Variants in CASZ1 observed in about 807,000 individuals in gnomAD.
CASZ1 encodes the protein zinc finger protein castor homolog 1.
In CASZ1, 28 loss-of-function variants were observed where a neutral mutation model predicts 135.2. The observed-to-expected ratio is 0.21, with a 90% CI of 0.15 to 0.28. CASZ1 has a LOEUF of 0.28. Ranked by LOEUF, CASZ1 falls within the 10% of genes least tolerant of loss-of-function variation. CASZ1 has a pLI of 1.00. For missense variants in CASZ1, 2,161 were observed against 2,453.3 expected, an observed-to-expected ratio of 0.88 and a Z score of 2.52; for synonymous variants, 1,068 against 1,073.4, an observed-to-expected ratio of 0.99 and a Z score of 0.10.
chr1:10,659,325 G>A (rs1483018328), intron 6 of CASZ1, among the ~76,000 whole-genome samples: 1 of 140,538 alleles, frequency 7.1e-6, no homozygotes, highest in Non-Finnish European at 1.5e-5. Context: ...GATGGGGTGT[G>A]CTGTCATGGG....
In CASZ1 at chr1:10,695,528, C is replaced by G. The variant is rs557418126; in HGVS notation, c.-23-1616G>C. On this transcript the variant is annotated intron_variant, in intron 3 of 20. Transcript: ENST00000377022. ...AAGGGCGCTCAGTAGAGCACAGGCA[C>G]CCTCAACCAGGGAGTCTGAGGCCCA... 8.2e-4 allele frequency among the ~76,000 whole-genome samples: 123 copies of G among 149,344 alleles called. 4 individuals are homozygous for G. The East Asian group carries it at 0.024, about 29-fold the overall frequency.
chr1:10,728,042 T>C (rs889328361), intron 2 of CASZ1, among the ~76,000 whole-genome samples: 2 of 152,234 alleles, frequency 1.3e-5, no homozygotes, highest in African/African-American at 4.8e-5. Context: ...GGGCTCCCCG[T>C]CAACACATCG....
At chr1:10,659,390 GGGCGTGTGTGGGT>G (rs1339093854) in intron 6 of CASZ1, among the ~76,000 whole-genome samples, 43 of 152,358 alleles carry the variant, frequency 2.8e-4, no homozygotes, top group African/African-American at 9.6e-4. Flanking sequence ...CTGGGAGTGT[GGGCGTGTGTGGGT>G]GGCGTGTGTG....
Position 10,657,325 on chromosome 1 carries a change from G to T in CASZ1, c.1410-589C>A, listed in dbSNP as rs573859424. 6.6e-6 allele frequency among the ~76,000 whole-genome samples: 1 copy of T among 152,338 alleles called. No homozygotes were observed. Among genetic ancestry groups the T allele is most frequent in the African/African-American group, 2.4e-5 (1 of 41,586 alleles). On this transcript the variant is annotated intron_variant, in intron 7 of 20. Transcript: ENST00000377022. This position sits in a 1 kb window ranked among gnomAD's most constrained non-coding sequence, Gnocchi z 5.7. ...CCGTCCTCCTCCAGGCCCCAGGGCCGCTGGGACGTGGCTCCCACAGCCTCG... is the reference window on the plus strand; with the variant it reads ...CCGTCCTCCTCCAGGCCCCAGGGCCTCTGGGACGTGGCTCCCACAGCCTCG...
rs1274016232 is a variant in CASZ1 at position 10,657,736 on chromosome 1, G to A, written c.1409+772C>T. ...CAGAGCGGGCGGGAGGAACCTGGAA[G>A]ATCTGCGGACAGACAGGCGCCAGCC... On this transcript the variant is annotated intron_variant, in intron 7 of 20. Transcript: ENST00000377022. The surrounding 1 kb of genome is among the most constrained non-coding windows in gnomAD (Gnocchi z 5.7). 2.8e-5 allele frequency among the ~76,000 whole-genome samples: 4 copies of A among 143,416 alleles called. No homozygotes were observed. The highest frequency in any genetic ancestry group is 5.1e-5 in the African/African-American group (2 of 39,158). 94.1% of individuals were successfully genotyped at this position (143,416 alleles called of 152,430 possible).
intron 4 of CASZ1, among the ~76,000 whole-genome samples, chr1:10,686,859 C>A (rs1638609347): frequency 1.3e-5 from 2 of 152,244 alleles, no homozygotes; most frequent in African/African-American, 4.8e-5. Context: ...GACCACATTG[C>A]CCCACACCTA....
intron 2 of CASZ1, among the ~76,000 whole-genome samples, chr1:10,718,483 C>T (rs1639435527): frequency 6.6e-6 from 1 of 152,280 alleles, no homozygotes; most frequent in Non-Finnish European, 1.5e-5. Context: ...AACATCCAGT[C>T]TGTCCACCTG....
At chr1:10,722,490 A>C (rs1219502708) in intron 2 of CASZ1, among the ~76,000 whole-genome samples, 1 of 152,208 alleles carries the variant, frequency 6.6e-6, no homozygotes, top group Non-Finnish European at 1.5e-5. Context: ...ATCTCTTTCC[A>C]TTCAAGCTCG....
rs1054626507 is a variant in CASZ1 at position 10,776,201 on chromosome 1, G to A, written c.-233-15344C>T. On this transcript the variant is annotated intron_variant, in intron 1 of 20. Transcript: ENST00000377022. This position sits in a 1 kb window ranked among gnomAD's most constrained non-coding sequence, Gnocchi z 4.1. ...TAATAAAACACTAATACAGCGTCTT[G>A]TATCCAGGGGAAGAGCTAAAATTAA... 4.6e-5 allele frequency among the ~76,000 whole-genome samples: 7 copies of A among 152,238 alleles called. No homozygotes were observed. Among genetic ancestry groups the A allele is most frequent in the African/African-American group, 1.7e-4 (7 of 41,456 alleles).
At chr1:10,782,738 G>A (rs1253432843) in intron 1 of CASZ1, among the ~76,000 whole-genome samples, 5 of 152,332 alleles carry the variant, frequency 3.3e-5, no homozygotes, top group East Asian at 3.9e-4. Context: ...CCACTGAGGC[G>A]GGAAGGGGAG....
At chr1:10,652,042 C>G (rs555886183) in intron 11 of CASZ1, 2 of 152,250 alleles carry the variant, frequency 1.3e-5, no homozygotes, top group African/African-American at 4.8e-5. Flanking sequence ...ACGCGGCCAC[C>G]GGGCATGAGC....
At position 10,762,351 on chromosome 1, in the gene CASZ1, C is replaced by T. The variant is rs1417955286; in HGVS notation, c.-233-1494G>A. Among the ~76,000 whole-genome samples, 1 of 152,194 alleles carries T rather than the reference C, an allele frequency of 6.6e-6. No individual in the cohort carries two copies. The highest frequency in any genetic ancestry group is 6.5e-5 in the Admixed American group (1 of 15,280). ...CTGGTTTCCATGGATTCCTGCCAGG[C>T]CCCTAATGTGAGTTTCGTGTGATTT... is the stretch of plus-strand genomic sequence containing the variant. On this transcript the variant is annotated intron_variant, in intron 1 of 20. Coordinates refer to ENST00000377022, the MANE Select transcript of CASZ1 (RefSeq NM_001079843.3). The surrounding 1 kb of genome is among the most constrained non-coding windows in gnomAD (Gnocchi z 4.1).
At chr1:10,669,280 G>C (rs1643332963) in intron 4 of CASZ1, among the ~76,000 whole-genome samples, 2 of 152,192 alleles carry the variant, frequency 1.3e-5, no homozygotes, top group South Asian at 4.1e-4. Context: ...GGGCCCCTAA[G>C]CCGGCCCTAG....
Position 10,721,506 on chromosome 1 carries a change from G to A in CASZ1, c.-76-15962C>T, listed in dbSNP as rs1217380593. Among the ~76,000 whole-genome samples, 11 of 152,156 alleles carry A rather than the reference G, an allele frequency of 7.2e-5. No homozygotes were observed. The highest frequency in any genetic ancestry group is 7.2e-4 in the Admixed American group (11 of 15,284). On this transcript the variant is annotated intron_variant, in intron 2 of 20. Transcript: ENST00000377022. The surrounding 1 kb of genome is among the most constrained non-coding windows in gnomAD (Gnocchi z 5.4). ...ATTGTCACATATCATCATTTTCATA[G>A]GATCTCCTCCATTCCCGGCTCGCAG...
In CASZ1 at chr1:10,739,040, T is replaced by A. The variant is rs539529444; in HGVS notation, c.-77+21661A>T. Among the ~76,000 whole-genome samples, 1 of 149,334 alleles carries A rather than the reference T, an allele frequency of 6.7e-6. No individual in the cohort carries two copies. Among genetic ancestry groups the A allele is most frequent in the Non-Finnish European group, 1.5e-5 (1 of 67,500 alleles). On this transcript the variant is annotated intron_variant, in intron 2 of 20. Transcript: ENST00000377022. This position sits in a 1 kb window ranked among gnomAD's most constrained non-coding sequence, Gnocchi z 4.8. ...GACTGGCTTCTCTGAGAACCAGTCA[T>A]AGGAAGCTTGGGCTCTGCTTCTTAT...
At chr1:10,656,520 C>G in intron 8 of CASZ1, 126 bp downstream of exon 8, 1 of 705,904 alleles carries the variant, frequency 1.4e-6, no homozygotes, top group African/African-American at 1.7e-5. Flanking sequence ...TCTACCTGCT[C>G]AAGTCAAGTT....
At position 10,646,199 on chromosome 1, in the gene CASZ1, G is replaced by T; in HGVS notation, c.3625C>A (p.Pro1209Thr). 1.2e-6 allele frequency: 2 copies of T among 1,614,180 alleles called. No homozygotes were observed. Among genetic ancestry groups the T allele is most frequent in the Non-Finnish European group, 1.7e-6 (2 of 1,180,032 alleles). The change falls in exon 17 of 21, where the codon CCC (proline) becomes ACC (threonine). Residue 1209 changes from proline (P) to threonine (T), a missense_variant. By Grantham distance (38) the Pro-to-Thr change is conservative (BLOSUM62 -1). Around this residue, in one of 7 missense-constraint regions of CASZ1, gnomAD observed 349 missense variants for 460.8 expected, o/e 0.76. Transcript: ENST00000377022. The surrounding 1 kb of genome is among the most constrained non-coding windows in gnomAD (Gnocchi z 6.4). The stretch of plus-strand genomic sequence containing the variant: ...CGCACGTTCACCAGGTTGTTGTTGG[G>T]GTTGATGTGGTCCAGGCAGTGGGAT... ...AESHCLDHIN[P>T]NNNLVNVRDQ... is the part of the protein sequence containing the mutation.
chr1:10,769,076 G>T (rs1020975968), intron 1 of CASZ1, among the ~76,000 whole-genome samples: 9 of 152,172 alleles, frequency 5.9e-5, no homozygotes, highest in African/African-American at 2.2e-4. Context: ...GGAGGCGGAG[G>T]TTGCAGTGAG....
chr1:10,795,075 G>C (rs1641039117), intron 1 of CASZ1, among the ~76,000 whole-genome samples: 1 of 152,154 alleles, frequency 6.6e-6, no homozygotes, highest in Non-Finnish European at 1.5e-5. Flanking sequence ...ACGGCCATCA[G>C]CTGCACATTC....
Sources: allele counts gnomAD v4.1 joint callset (sites outside exome capture counted in the v4.1 genomes callset), GRCh38; gene constraint gnomAD v4.1.1; regional missense constraint gnomAD v4.1.1; non-coding constraint Gnocchi (gnomAD v3.1); transcripts MANE v1.5; gene names NCBI Gene and HGNC (gene_info 2026-07-23, HGNC 2026-07-21).